Variants in FHIT observed in about 807,000 individuals in gnomAD.
FHIT encodes the protein bis(5'-adenosyl)-triphosphatase.
FHIT carries 19 observed loss-of-function variants against 17.9 expected under a neutral mutation model. That is an observed-to-expected ratio of 1.06 (90% confidence interval 0.74 to 1.56). The LOEUF is 1.56. Among genes scored for constraint, FHIT ranks in the 40% most tolerant of loss-of-function variants. The pLI, the probability that FHIT is intolerant of heterozygous loss-of-function variation, is 0.00. For synonymous variants in FHIT, 81 were observed against 69.7 expected (o/e 1.16, Z -0.81); for missense variants, 248 against 189.2 (o/e 1.31, Z -1.82).
At chr3:60,477,248 A>G (rs1443455702) in intron 5 of FHIT, among the ~76,000 whole-genome samples, 2 of 152,080 alleles carry the variant, frequency 1.3e-5, no homozygotes, top group African/African-American at 2.4e-5. Context: ...CCTGGTCAGA[A>G]TCTTTTTATA....
In FHIT at chr3:59,752,254, G is replaced by A. The variant is rs371000765; in HGVS notation, c.416C>T (p.Ala139Val). 3.7e-6 allele frequency: 6 copies of A among 1,612,922 alleles called. No homozygotes were observed. Among genetic ancestry groups the A allele is most frequent in the African/African-American group, 1.3e-5 (1 of 74,852 alleles). Residue 139 changes from alanine (A) to valine (V), a missense_variant, in exon 9 of 10, where the codon GCC becomes GTC. Coordinates refer to ENST00000492590, the MANE Select transcript of FHIT (RefSeq NM_002012.4). ...CTGAAAGTAGACCCGCAGAGCTGCG[G>A]CTTCTGCTGCCATTTCCTCCTCTGA... ...WRSEEEMAAE[A>V]AALRVYFQ
intron 5 of FHIT, among the ~76,000 whole-genome samples, chr3:60,217,946 G>A (rs1703774473): frequency 6.6e-6 from 1 of 152,074 alleles, no homozygotes; most frequent in African/African-American, 2.4e-5. Flanking sequence ...AACATATTAA[G>A]TCAGACATTA....
intron 5 of FHIT, among the ~76,000 whole-genome samples, chr3:60,527,498 T>C (rs1325802394): frequency 1.3e-5 from 2 of 152,188 alleles, no homozygotes; most frequent in Admixed American, 1.3e-4. Context: ...GCCAGATGAA[T>C]TTAGCTCCTC....
chr3:60,738,332 C>T (rs1559683446), intron 4 of FHIT, among the ~76,000 whole-genome samples: 2 of 152,060 alleles, frequency 1.3e-5, no homozygotes, highest in Non-Finnish European at 2.9e-5. Context: ...AGTAACTGGC[C>T]CAGCAATGGA....
At position 60,729,758 on chromosome 3, in the gene FHIT, A is replaced by AAT. The variant is rs35923972; in HGVS notation, c.-18+92159_-18+92160dup. 1.1e-3 allele frequency among the ~76,000 whole-genome samples: 166 copies of AAT among 149,480 alleles called. 1 individual carries two copies. The highest frequency in any genetic ancestry group is 2.5e-3 in the African/African-American group (102 of 40,826). ...AACAAAAGGAAAAGAAGATTTTAAA[A>AAT]ATATATATATATATATATTCCTATA... is the stretch of plus-strand genomic sequence containing the variant. On this transcript the variant is annotated intron_variant, in intron 4 of 9. Transcript: ENST00000492590.
intron 3 of FHIT, among the ~76,000 whole-genome samples, chr3:60,896,939 C>A (rs1205850264): frequency 6.6e-6 from 1 of 152,140 alleles, no homozygotes; most frequent in Non-Finnish European, 1.5e-5. Flanking sequence ...CTGTAGATGA[C>A]CAATTTCATA....
chr3:59,968,103 C>G (rs1418338429), intron 7 of FHIT, among the ~76,000 whole-genome samples: 2 of 152,054 alleles, frequency 1.3e-5, no homozygotes, highest in Non-Finnish European at 2.9e-5. Flanking sequence ...TGGAGGAACA[C>G]TGATGTAAAG....
chr3:60,800,293 A>T (rs1701141972), intron 4 of FHIT, among the ~76,000 whole-genome samples: 1 of 152,224 alleles, frequency 6.6e-6, no homozygotes, highest in African/African-American at 2.4e-5. Flanking sequence ...TATCTGAATC[A>T]TTCACTTTAG....
intron 5 of FHIT, among the ~76,000 whole-genome samples, chr3:60,017,265 G>A (rs934602904): frequency 6.6e-5 from 10 of 152,284 alleles, no homozygotes; most frequent in Admixed American, 2.6e-4. Context: ...GAAAGCAGAC[G>A]AGACCTACAA....
chr3:60,833,372 T>G (rs1166865635), intron 3 of FHIT, among the ~76,000 whole-genome samples: 1 of 152,186 alleles, frequency 6.6e-6, no homozygotes, highest in Non-Finnish European at 1.5e-5. Flanking sequence ...CTTTCAATGT[T>G]CTTTTAATAT....
chr3:61,008,337 T>C (rs1412709199), intron 3 of FHIT, among the ~76,000 whole-genome samples: 2 of 152,208 alleles, frequency 1.3e-5, no homozygotes, highest in East Asian at 1.9e-4. Flanking sequence ...CAAAGTCACA[T>C]CATTTGCAGA....
chr3:60,838,376 G>A (rs1702606741), intron 3 of FHIT, among the ~76,000 whole-genome samples: 1 of 152,154 alleles, frequency 6.6e-6, no homozygotes, highest in Admixed American at 6.5e-5. Context: ...GGAGGCTGAG[G>A]CAGGAGAATC....
At chr3:60,071,203 A>T (rs181438852) in intron 5 of FHIT, among the ~76,000 whole-genome samples, 4 of 152,216 alleles carry the variant, frequency 2.6e-5, no homozygotes. Flanking sequence ...GAGATGTACC[A>T]GAAGTGTAAA....
chr3:60,607,237 GAAT>G (rs2038636316), intron 4 of FHIT, among the ~76,000 whole-genome samples: 2 of 151,832 alleles, frequency 1.3e-5, no homozygotes, highest in African/African-American at 4.8e-5. Flanking sequence ...AAATCTTCTA[GAAT>G]AATATAAATT....
chr3:61,016,783 AC>A (rs1248201842), intron 3 of FHIT, among the ~76,000 whole-genome samples: 4 of 152,246 alleles, frequency 2.6e-5, no homozygotes, highest in Admixed American at 2.6e-4. Flanking sequence ...ATGTGTGTGC[AC>A]AAACTAAAGG....
chr3:61,204,359 A>G (rs893144263), intron 1 of FHIT, among the ~76,000 whole-genome samples: 1 of 152,104 alleles, frequency 6.6e-6, no homozygotes, highest in Non-Finnish European at 1.5e-5. Flanking sequence ...TTTTCTTTAA[A>G]CTGTATATGT....
chr3:59,958,134 T>C (rs1707493404), intron 7 of FHIT, among the ~76,000 whole-genome samples: 1 of 152,214 alleles, frequency 6.6e-6, no homozygotes, highest in Non-Finnish European at 1.5e-5. Flanking sequence ...ATTAAAGCCC[T>C]TCTCTAGCTG....
chr3:61,108,469 G>A (rs965342420), intron 2 of FHIT, among the ~76,000 whole-genome samples: 5 of 152,134 alleles, frequency 3.3e-5, no homozygotes, highest in African/African-American at 4.8e-5. Context: ...CAGAGAAACA[G>A]TACACATAAT....
At chr3:60,662,923 T>A (rs1233332265) in intron 4 of FHIT, among the ~76,000 whole-genome samples, 1 of 151,698 alleles carries the variant, frequency 6.6e-6, no homozygotes, top group Non-Finnish European at 1.5e-5. Flanking sequence ...GGTATGAGAT[T>A]TAGATCAATG....
Sources: allele counts gnomAD v4.1 joint callset (sites outside exome capture counted in the v4.1 genomes callset), GRCh38; gene constraint gnomAD v4.1.1; transcripts MANE v1.5; gene names NCBI Gene and HGNC (gene_info 2026-07-23, HGNC 2026-07-21).